Variants in CDH15 observed in about 807,000 individuals in gnomAD.
CDH15 encodes cadherin-15.
In CDH15, 73 loss-of-function variants were observed where a neutral mutation model predicts 69.4. The observed-to-expected ratio is 1.05, with a 90% confidence interval of 0.87 to 1.28. The LOEUF (loss-of-function observed/expected upper bound fraction) is 1.28, where lower values mean the gene tolerates loss of function less well. Ranked by LOEUF, CDH15 falls within the 50% of genes most tolerant of loss-of-function variation. The pLI is 0.00. For synonymous variants in CDH15, 624 were observed against 507.7 expected, an observed-to-expected ratio of 1.23 and a Z score of -3.08; for missense variants, 1,343 against 1,133.6, an observed-to-expected ratio of 1.18 and a Z score of -2.65.
Position 89,188,222 on chromosome 16 carries a change from C to A in CDH15, c.915C>A (p.Pro305=). ...VARFTILEGD[P]DGQFTIRTDP... ...GGTTCACCATCCTGGAAGGCGACCC[C>A]GATGGGCAGTTCACCATCCGCACGG... The change falls in exon 7 of 14, where the codon CCC becomes CCA. Residue 305 remains proline, a synonymous_variant. Transcript: ENST00000289746. 1 of 1,613,474 alleles carries A rather than the reference C, an allele frequency of 6.2e-7. No individual in the cohort carries two copies. Among genetic ancestry groups the A allele is most frequent in the Non-Finnish European group, 8.5e-7 (1 of 1,179,900 alleles).
rs928951567 is a variant in CDH15 at position 89,180,728 on chromosome 16, T to C, written c.357+373T>C. On this transcript the variant is annotated intron_variant, in intron 3 of 13. Transcript: ENST00000289746. ...AAGAATCTCTAAATAGTGTTGTTTT[T>C]GTTTTTTGTTTTTGAGATGGAGTCT... 2.6e-5 allele frequency among the ~76,000 whole-genome samples: 4 copies of C among 152,314 alleles called. 1 individual carries two copies.
chr16:89,191,266 C>G lies in CDH15; in HGVS notation c.1233-64C>G, dbSNP rs1466214479. 5 of 1,602,104 alleles carry G rather than the reference C, an allele frequency of 3.1e-6. No individual in the cohort carries two copies. In the East Asian group the frequency reaches 6.7e-5, roughly 21 times the overall value. On this transcript the variant is annotated intron_variant, in intron 8 of 13. Transcript: ENST00000289746. ...GTGCAGTGCATGTCACGCACCCATACCTGACCACACCTGTGGGGCCCTGGG... is the reference window on the plus strand; with the variant it reads ...GTGCAGTGCATGTCACGCACCCATAGCTGACCACACCTGTGGGGCCCTGGG...
Position 89,190,330 on chromosome 16 carries a change from G to A in CDH15, c.1066G>A (p.Glu356Lys). Residue 356 changes from glutamate (E) to lysine (K), a missense_variant, in exon 8 of 14, where the codon GAG becomes AAG. Glu to Lys is a moderately conservative substitution (Grantham distance 56, BLOSUM62 1). Coordinates refer to ENST00000289746, the MANE Select transcript of CDH15 (RefSeq NM_004933.3). ...GCTGCAGGCGGCTGCCCTTAGGGCT[G>A]AGCGGGGCCAGGCCAAGGTCCGCGT... ...APLQAAALRA[E>K]RGQAKVRVHV... 6.2e-7 allele frequency: 1 copy of A among 1,612,446 alleles called. No homozygotes were observed. The highest frequency in any genetic ancestry group is 8.5e-7 in the Non-Finnish European group (1 of 1,179,832).
chr16:89,190,331 A>G lies in CDH15; in HGVS notation c.1067A>G (p.Glu356Gly). Reference sequence around the variant, plus strand: ...CTGCAGGCGGCTGCCCTTAGGGCTGAGCGGGGCCAGGCCAAGGTCCGCGTG... The same window carrying G: ...CTGCAGGCGGCTGCCCTTAGGGCTGGGCGGGGCCAGGCCAAGGTCCGCGTG... ...APLQAAALRA[E>G]RGQAKVRVHV... The change falls in exon 8 of 14, where the codon GAG becomes GGG. Residue 356 changes from glutamate to glycine, a missense_variant. By Grantham distance (98) the Glu-to-Gly change is moderately conservative. Coordinates refer to ENST00000289746, the MANE Select transcript of CDH15 (RefSeq NM_004933.3). The G allele has an allele frequency of 6.2e-7, 1 of 1,612,406 alleles. No individual in the cohort carries two copies. The highest frequency in any genetic ancestry group is 2.2e-5 in the East Asian group (1 of 44,870).
At position 89,194,909 on chromosome 16, in the gene CDH15, A is replaced by G. The variant is rs772937114; in HGVS notation, c.2199A>G (p.Thr733=). 6.2e-7 allele frequency: 1 copy of G among 1,608,106 alleles called. No homozygotes were observed. The highest frequency in any genetic ancestry group is 1.1e-5 in the South Asian group (1 of 90,234). Residue 733 remains threonine, a synonymous_variant, in exon 14 of 14, where the codon ACA becomes ACG. Transcript: ENST00000289746. ...DSDPSVPPYD[T]ALIYDYEGDG... ...ACCCCAGTGTGCCGCCTTACGACAC[A>G]GCCCTCATCTATGACTACGAGGGTG...
chr16:89,189,292 G>A (rs1230367485), intron 7 of CDH15, among the ~76,000 whole-genome samples: 1 of 130,806 alleles, frequency 7.6e-6, no homozygotes, highest in Non-Finnish European at 1.6e-5. Flanking sequence ...GGCACACACA[G>A]ATGCCCACAC....
At chr16:89,179,655 T>C in intron 2 of CDH15, 81 bp downstream of exon 2, 1 of 1,430,414 alleles carries the variant, frequency 7.0e-7, no homozygotes, top group Non-Finnish European at 9.4e-7. Context: ...AAAGGTCTCC[T>C]GGGAGCCAGC....
Position 89,179,417 on chromosome 16 carries a change from G to A in CDH15, c.44G>A (p.Ser15Asn). The part of the protein sequence containing the change: ...FLLVLGLLAQ[S>N]LCLSLGVPGW... ...GGGACGCATCTGTCTTTGTTGCAGAGCCTCTGCCTGTCTTTGGGGGTTCCT... is the reference window on the plus strand; with the variant it reads ...GGGACGCATCTGTCTTTGTTGCAGAACCTCTGCCTGTCTTTGGGGGTTCCT... The change falls in exon 2 of 14, where the codon AGC (serine) becomes AAC (asparagine). Residue 15 changes from serine (S) to asparagine (N), a missense_variant and splice_region_variant. By Grantham distance (46) the Ser-to-Asn change is conservative. Transcript: ENST00000289746. The A allele has an allele frequency of 1.2e-6, 2 of 1,613,624 alleles. No homozygotes were observed. Among genetic ancestry groups the A allele is most frequent in the Non-Finnish European group, 1.7e-6 (2 of 1,179,910 alleles).
intron 3 of CDH15, among the ~76,000 whole-genome samples, chr16:89,180,997 C>CTTTTTTTTTTTTTTTTTT (rs1567771877): frequency 2.6e-4 from 18 of 70,044 alleles, no homozygotes; most frequent in African/African-American, 1.1e-3. Context: ...TGAGATGGAG[C>CTTTTTTTTTTTTTTTTTT]TTCACTCTAC....
intron 8 of CDH15, among the ~76,000 whole-genome samples, chr16:89,191,008 TATGTGTGTGCAC>T (rs1915626493): frequency 6.8e-6 from 1 of 147,912 alleles, no homozygotes; most frequent in Non-Finnish European, 1.5e-5. Context: ...TGTATGTGCA[TATGTGTGTGCAC>T]ATGTGTGGTA....
At chr16:89,189,992 C>T (rs532021161) in intron 7 of CDH15, among the ~76,000 whole-genome samples, 5 of 152,274 alleles carry the variant, frequency 3.3e-5, no homozygotes, top group African/African-American at 4.8e-5. Flanking sequence ...CAACGGCCCT[C>T]GCTGAAATAC....
In CDH15 at chr16:89,194,890, G is replaced by C; in HGVS notation, c.2180G>C (p.Ser727Thr). 1 of 1,607,044 alleles carries C rather than the reference G, an allele frequency of 6.2e-7. No homozygotes were observed. The highest frequency in any genetic ancestry group is 1.3e-5 in the African/African-American group (1 of 74,962). Residue 727 changes from serine (S) to threonine (T), a missense_variant, in exon 14 of 14, where the codon AGT becomes ACT. Physicochemically the swap from Ser to Thr is moderately conservative, Grantham distance 58. Transcript: ENST00000289746. ...TTGGAGGCTGCAGATAGTGACCCCA[G>C]TGTGCCGCCTTACGACACAGCCCTC... ...DGLEAADSDPSVPPYDTALIY... is the reference protein window; with the variant it reads ...DGLEAADSDPTVPPYDTALIY...
chr16:89,194,780 A>T, intron 13 of CDH15, 82 bp from the exon 14 acceptor site: 1 of 1,407,000 alleles, frequency 7.1e-7, no homozygotes, highest in Non-Finnish European at 9.8e-7. Flanking sequence ...CCTTGAGCTG[A>T]CTTTGCCCTG....
chr16:89,190,137 G>T, intron 7 of CDH15, 106 bp from the exon 8 acceptor site: 1 of 1,361,110 alleles, frequency 7.3e-7, no homozygotes, highest in Non-Finnish European at 1.0e-6. Context: ...CAGAAGGAAA[G>T]TACAGGTGCT....
At position 89,188,277 on chromosome 16, in the gene CDH15, A is replaced by G. The variant is rs1348481251; in HGVS notation, c.970A>G (p.Ile324Val). 2 of 1,613,230 alleles carry G rather than the reference A, an allele frequency of 1.2e-6. No individual in the cohort carries two copies. The highest frequency in any genetic ancestry group is 1.7e-6 in the Non-Finnish European group (2 of 1,179,860). The part of the protein sequence containing the change: ...DPKTNEGVLS[I>V]VKALDYESCE... ...CAAGACCAACGAGGGTGTTCTGTCCATTGTGAAGGTGAGCGGCCCCCGGCT... is the reference window on the plus strand; with the variant it reads ...CAAGACCAACGAGGGTGTTCTGTCCGTTGTGAAGGTGAGCGGCCCCCGGCT... Residue 324 changes from isoleucine to valine, a missense_variant, in exon 7 of 14, where the codon ATT (isoleucine) becomes GTT (valine). Physicochemically the swap from Ile to Val is conservative, Grantham distance 29. Transcript: ENST00000289746.
chr16:89,187,460 T>TA lies in CDH15; in HGVS notation c.695_696insA (p.Ala233GlyfsTer19). The TA allele has an allele frequency of 6.2e-7, 1 of 1,613,462 alleles. No homozygotes were observed. Among genetic ancestry groups the TA allele is most frequent in the African/African-American group, 1.3e-5 (1 of 75,056 alleles). The stretch of plus-strand genomic sequence containing the variant: ...GCGGTGTACAATCTGACCCTGCAGG[T>TA]GGCGGACATGTCTGGAGACGGCCTC... On this transcript the variant is annotated frameshift_variant, in exon 6 of 14. Coordinates refer to ENST00000289746, the MANE Select transcript of CDH15 (RefSeq NM_004933.3). LOFTEE classifies it high-confidence loss of function.
At chr16:89,194,734 C>A in intron 13 of CDH15, 128 bp from the exon 14 acceptor site, 1 of 928,486 alleles carries the variant, frequency 1.1e-6, no homozygotes, top group South Asian at 1.4e-5. Context: ...AGACCTCGCC[C>A]CCGGACGTGG....
chr16:89,185,500 G>A, intron 5 of CDH15, 167 bp downstream of exon 5: 1 of 835,754 alleles, frequency 1.2e-6, no homozygotes, highest in South Asian at 1.5e-5. Context: ...TGAACCCACT[G>A]ATGCGCAGAC....
intron 7 of CDH15, among the ~76,000 whole-genome samples, chr16:89,188,922 GTGCCCACACACAGA>G (rs1186687260): frequency 7.7e-5 from 6 of 77,994 alleles, no homozygotes; most frequent in Non-Finnish European, 1.0e-4. Context: ...CCACACACAG[GTGCCCACACACAGA>G]TGCCCACACT....
Sources: gnomAD v4.1 joint callset for allele counts (sites outside exome capture counted in the v4.1 genomes callset) on GRCh38, gnomAD v4.1.1 for gene constraint, MANE v1.5 for transcripts, NCBI Gene and HGNC (gene_info 2026-07-23, HGNC 2026-07-21) for gene names.